Variants in NKAIN2 observed in about 807,000 individuals in gnomAD.
NKAIN2 encodes the protein sodium/potassium-transporting ATPase subunit beta-1-interacting protein 2.
NKAIN2 carries 14 observed loss-of-function variants against 32.6 expected under a neutral mutation model. That is an observed-to-expected ratio of 0.43 (90% CI 0.28 to 0.67). The LOEUF (loss-of-function observed/expected upper bound fraction) is 0.67. NKAIN2 is among the 30% of genes least tolerant of loss of function. NKAIN2 has a pLI of 0.17. For synonymous variants in NKAIN2, 80 were observed against 87.2 expected, an observed-to-expected ratio of 0.92 and a Z score of 0.46; for missense variants, 198 against 258.3, an observed-to-expected ratio of 0.77 and a Z score of 1.60.
intron 5 of NKAIN2, among the ~76,000 whole-genome samples, chr6:124,794,340 A>G (rs1305845688): frequency 6.6e-6 from 1 of 152,132 alleles, no homozygotes; most frequent in African/African-American, 2.4e-5. Flanking sequence ...CTTCTAAGGG[A>G]ATTCTGCCCT....
At chr6:124,200,690 T>C (rs1790550143) in intron 1 of NKAIN2, among the ~76,000 whole-genome samples, 2 of 152,134 alleles carry the variant, frequency 1.3e-5, no homozygotes. Flanking sequence ...CTTTTCTCAA[T>C]GAAGCTTGTC....
chr6:123,853,534 G>A lies in NKAIN2; in HGVS notation c.54+49280G>A, dbSNP rs957885816. Among the ~76,000 whole-genome samples the A allele has an allele frequency of 7.2e-5, 11 of 152,088 alleles. No individual in the cohort carries two copies. The East Asian group carries it at 2.1e-3, about 29-fold the overall frequency. On this transcript the variant is annotated intron_variant, in intron 1 of 6. Coordinates refer to ENST00000368417, the MANE Select transcript of NKAIN2 (RefSeq NM_001040214.3). ...CAGATAAGCAGAAACAAAGCACTGTGTTAGAAACACTAGCCTTTTCATTGT... is the reference window on the plus strand; with the variant it reads ...CAGATAAGCAGAAACAAAGCACTGTATTAGAAACACTAGCCTTTTCATTGT...
At chr6:123,817,140 G>T (rs1334073544) in intron 1 of NKAIN2, among the ~76,000 whole-genome samples, 5 of 152,112 alleles carry the variant, frequency 3.3e-5, no homozygotes, top group African/African-American at 1.2e-4. Flanking sequence ...TGGAGGAATA[G>T]AAATGTTTGT....
At chr6:124,225,486 A>C (rs1232704883) in intron 1 of NKAIN2, among the ~76,000 whole-genome samples, 4 of 151,974 alleles carry the variant, frequency 2.6e-5, no homozygotes, top group Non-Finnish European at 5.9e-5. Flanking sequence ...TTTATAATTC[A>C]AAGGAAGTCT....
At chr6:124,658,414 C>G (rs1423368961) in intron 4 of NKAIN2, 28 bp downstream of exon 4, 1 of 1,614,100 alleles carries the variant, frequency 6.2e-7, no homozygotes, top group Admixed American at 1.7e-5. Flanking sequence ...ACCGCTCCTT[C>G]TAGTGCCTCT....
chr6:123,907,063 A>G (rs1774915455), intron 1 of NKAIN2, among the ~76,000 whole-genome samples: 1 of 152,212 alleles, frequency 6.6e-6, no homozygotes. Context: ...GAACAGTGGC[A>G]ATTTCTAAAT....
At chr6:124,607,452 A>G (rs1370050128) in intron 3 of NKAIN2, among the ~76,000 whole-genome samples, 2 of 152,094 alleles carry the variant, frequency 1.3e-5, no homozygotes, top group African/African-American at 4.8e-5. Context: ...GCATGATACA[A>G]TGAGTTGTTT....
intron 4 of NKAIN2, among the ~76,000 whole-genome samples, chr6:124,728,743 C>T (rs1776470855): frequency 6.6e-6 from 1 of 150,976 alleles, no homozygotes; most frequent in Admixed American, 6.6e-5. Flanking sequence ...CACAAAAAAC[C>T]CTTCAAAAAA....
chr6:124,798,019 TCCTTCCTC>T (rs1780080784), intron 5 of NKAIN2, among the ~76,000 whole-genome samples: 1 of 152,082 alleles, frequency 6.6e-6, no homozygotes, highest in Non-Finnish European at 1.5e-5. Context: ...CTTCCTTCCT[TCCTTCCTC>T]CCCTCTTCTT....
At chr6:124,775,270 A>C (rs1290878253) in intron 4 of NKAIN2, among the ~76,000 whole-genome samples, 1 of 152,208 alleles carries the variant, frequency 6.6e-6, no homozygotes, top group Non-Finnish European at 1.5e-5. Flanking sequence ...TGAGTTTTCC[A>C]TCTGCCACTT....
chr6:124,777,849 G>T (rs1358890750), intron 4 of NKAIN2, among the ~76,000 whole-genome samples: 1 of 151,964 alleles, frequency 6.6e-6, no homozygotes, highest in East Asian at 1.9e-4. Context: ...AGCAGACTGA[G>T]GCTAATTACA....
At position 124,442,355 on chromosome 6, in the gene NKAIN2, A is replaced by G. The variant is rs1008155047; in HGVS notation, c.273+87008A>G. On this transcript the variant is annotated intron_variant, in intron 3 of 6. Coordinates refer to ENST00000368417, the MANE Select transcript of NKAIN2 (RefSeq NM_001040214.3). ...CACCCTTCAGCAGAGCTGTAAAGTCATCAATGCCCTTTTTTCTTTTTCTTA... is the reference window on the plus strand; with the variant it reads ...CACCCTTCAGCAGAGCTGTAAAGTCGTCAATGCCCTTTTTTCTTTTTCTTA... 1.3e-4 allele frequency among the ~76,000 whole-genome samples: 8 copies of G among 62,484 alleles called. No individual in the cohort carries two copies. The Admixed American group carries it at 1.4e-3, about 11-fold the overall frequency. The allele number at this position is 62,484 out of a possible 152,430, so 41.0% of individuals were successfully genotyped here. A position where few individuals can be genotyped will look rare whatever the true frequency, so the allele number is the denominator to read the frequency against.
At chr6:123,809,809 T>TA (rs1773379485) in intron 1 of NKAIN2, among the ~76,000 whole-genome samples, 2 of 152,152 alleles carry the variant, frequency 1.3e-5, no homozygotes, top group South Asian at 4.1e-4. Flanking sequence ...CTCTTTTTGT[T>TA]TTTCCAACCT....
chr6:124,780,671 A>G (rs1341144080), intron 4 of NKAIN2, among the ~76,000 whole-genome samples: 1 of 152,152 alleles, frequency 6.6e-6, no homozygotes, highest in Non-Finnish European at 1.5e-5. Context: ...GAGCAAAAAG[A>G]GTTATCGTTT....
In NKAIN2 at chr6:124,507,848, A is replaced by G. The variant is rs1338375457; in HGVS notation, c.274-150338A>G. Among the ~76,000 whole-genome samples the G allele has an allele frequency of 2.0e-5, 3 of 152,218 alleles. No homozygotes were observed. In the East Asian group the frequency reaches 5.8e-4, roughly 29 times the overall value. ...ACATTAGAAATGAGAAAAAGTAAAG[A>G]AATAGAATTCAAGGGCTCCACTCTT... On this transcript the variant is annotated intron_variant, in intron 3 of 6. Transcript: ENST00000368417.
intron 1 of NKAIN2, among the ~76,000 whole-genome samples, chr6:123,915,476 T>C (rs1197997029): frequency 1.3e-5 from 2 of 152,156 alleles, no homozygotes; most frequent in Non-Finnish European, 2.9e-5. Context: ...ACTTTGATAT[T>C]GCCTATGACC....
At chr6:123,911,805 A>ATATATATATGTATATATATATATATT (rs1271100335) in intron 1 of NKAIN2, among the ~76,000 whole-genome samples, 1 of 102,690 alleles carries the variant, frequency 9.7e-6, no homozygotes, top group Non-Finnish European at 1.9e-5. Context: ...ATATATGTAT[A>ATATATATATGTATATATATATATATT]TATATATACA....
chr6:124,118,599 C>T (rs148743767), intron 1 of NKAIN2, among the ~76,000 whole-genome samples: 1 of 152,120 alleles, frequency 6.6e-6, no homozygotes, highest in East Asian at 1.9e-4. Flanking sequence ...TTATTGTAGG[C>T]ATTCTTCTTA....
chr6:124,594,525 T>C (rs1191333340), intron 3 of NKAIN2, among the ~76,000 whole-genome samples: 2 of 152,162 alleles, frequency 1.3e-5, no homozygotes, highest in Non-Finnish European at 2.9e-5. Context: ...AGGATGTTGG[T>C]TAATGTGTCT....
Sources: allele counts gnomAD v4.1 joint callset (sites outside exome capture counted in the v4.1 genomes callset), GRCh38; gene constraint gnomAD v4.1.1; transcripts MANE v1.5; gene names NCBI Gene and HGNC (gene_info 2026-07-23, HGNC 2026-07-21).